Variants in ADARB2 observed in about 807,000 individuals in gnomAD.
The protein encoded by ADARB2 is inactive double-stranded RNA-specific editase B2.
ADARB2 carries 25 observed loss-of-function variants against 62.2 expected under a neutral mutation model. That is an observed-to-expected ratio of 0.40 (90% CI 0.29 to 0.56). The LOEUF (loss-of-function observed/expected upper bound fraction) is 0.56, where lower values mean the gene tolerates loss of function less well. Ranked by LOEUF, ADARB2 falls within the 20% of genes least tolerant of loss-of-function variation. The pLI, the probability that ADARB2 is intolerant of heterozygous loss-of-function variation, is 0.43. For missense variants in ADARB2, 1,071 were observed against 1,077.4 expected (o/e 0.99, Z 0.08); for synonymous variants, 572 against 500.8 (o/e 1.14, Z -1.90).
intron 1 of ADARB2, among the ~76,000 whole-genome samples, chr10:1,434,209 G>C (rs1050074036): frequency 6.6e-6 from 1 of 152,212 alleles, no homozygotes; most frequent in Admixed American, 6.5e-5. Flanking sequence ...GATAACGAGA[G>C]ATTTAAAATA....
intron 7 of ADARB2, among the ~76,000 whole-genome samples, chr10:1,213,886 C>T (rs1417743045): frequency 6.6e-6 from 1 of 151,986 alleles, no homozygotes; most frequent in Admixed American, 6.6e-5. Flanking sequence ...GGGTTTGCAC[C>T]TGTGCCCGGA....
chr10:1,615,638 C>G (rs953646977), intron 1 of ADARB2, among the ~76,000 whole-genome samples: 3 of 152,240 alleles, frequency 2.0e-5, no homozygotes, highest in African/African-American at 4.8e-5. Flanking sequence ...GTTTCTTCCA[C>G]CCCCAGGACT....
intron 1 of ADARB2, among the ~76,000 whole-genome samples, chr10:1,469,333 C>T (rs764838356): frequency 2.0e-5 from 3 of 152,232 alleles, no homozygotes; most frequent in Non-Finnish European, 4.4e-5. Context: ...GGAGTCACAT[C>T]TCTAAGTCCA....
At chr10:1,678,775 T>G (rs958543904) in intron 1 of ADARB2, among the ~76,000 whole-genome samples, 1 of 151,928 alleles carries the variant, frequency 6.6e-6, no homozygotes, top group Admixed American at 6.6e-5. Flanking sequence ...CCCTTCCACA[T>G]CTCGGCTGTT....
intron 1 of ADARB2, among the ~76,000 whole-genome samples, chr10:1,598,187 T>C (rs926332492): frequency 1.3e-5 from 2 of 150,634 alleles, no homozygotes; most frequent in African/African-American, 4.9e-5. Context: ...ACAATTCCGG[T>C]GGTGGGTGCA....
intron 1 of ADARB2, among the ~76,000 whole-genome samples, chr10:1,647,889 G>A (rs1055769466): frequency 3.9e-5 from 6 of 151,944 alleles, no homozygotes; most frequent in Non-Finnish European, 8.8e-5. Flanking sequence ...GTCTATATAT[G>A]TATGTGTGTA....
At position 1,618,554 on chromosome 10, in the gene ADARB2, A is replaced by ATT. The variant is rs35095103; in HGVS notation, c.100+118495_100+118496dup. ...CAGTGTCACTAGGTTTAAAAATCAG[A>ATT]TTTTTTTTTGAGAGAGGGTCTTGCA... On this transcript the variant is annotated intron_variant, in intron 1 of 9. Coordinates refer to ENST00000381312, the MANE Select transcript of ADARB2 (RefSeq NM_018702.4). Among the ~76,000 whole-genome samples, 89 of 146,960 alleles carry ATT rather than the reference A, an allele frequency of 6.1e-4. No homozygotes were observed. The East Asian group carries it at 7.1e-3, about 12-fold the overall frequency.
intron 6 of ADARB2, among the ~76,000 whole-genome samples, chr10:1,223,542 T>G (rs1377457744): frequency 3.3e-5 from 5 of 152,346 alleles, no homozygotes; most frequent in South Asian, 4.1e-4. Context: ...CCATTCAGTA[T>G]GATATTGGCT....
At chr10:1,446,342 T>C (rs1830969132) in intron 1 of ADARB2, among the ~76,000 whole-genome samples, 1 of 152,190 alleles carries the variant, frequency 6.6e-6, no homozygotes. Flanking sequence ...ATCGTCATAG[T>C]AAGAAAAATA....
chr10:1,524,357 A>G lies in ADARB2; in HGVS notation c.101-145197T>C, dbSNP rs553465342. On this transcript the variant is annotated intron_variant, in intron 1 of 9. Coordinates refer to ENST00000381312, the MANE Select transcript of ADARB2 (RefSeq NM_018702.4). ...GTGACTAACGTGTCCAATACTCAGT[A>G]GGAAAGATATAAAAGAAAATAATTA... 8.5e-5 allele frequency among the ~76,000 whole-genome samples: 13 copies of G among 152,358 alleles called. No individual in the cohort carries two copies. In the South Asian group the frequency reaches 2.7e-3, roughly 32 times the overall value.
At chr10:1,619,890 A>T (rs193096935) in intron 1 of ADARB2, among the ~76,000 whole-genome samples, 22 of 152,354 alleles carry the variant, frequency 1.4e-4, no homozygotes, top group African/African-American at 5.3e-4. Flanking sequence ...ATTGAACAAC[A>T]GAAAGAAATC....
chr10:1,244,427 C>T (rs892481308), intron 4 of ADARB2, among the ~76,000 whole-genome samples: 5 of 152,192 alleles, frequency 3.3e-5, no homozygotes, highest in South Asian at 2.1e-4. Flanking sequence ...TGTGAGGCCC[C>T]GGCCTGCTCC....
At chr10:1,275,379 C>T (rs1330963989) in intron 3 of ADARB2, among the ~76,000 whole-genome samples, 1 of 152,212 alleles carries the variant, frequency 6.6e-6, no homozygotes, top group Non-Finnish European at 1.5e-5. Flanking sequence ...GAGGCCATGG[C>T]ACCCAGGTGT....
At chr10:1,288,055 C>T (rs977611238) in intron 3 of ADARB2, among the ~76,000 whole-genome samples, 15 of 152,228 alleles carry the variant, frequency 9.9e-5, no homozygotes, top group African/African-American at 2.9e-4. Context: ...TGGGTCAGCT[C>T]GTGCACTGCT....
intron 5 of ADARB2, among the ~76,000 whole-genome samples, chr10:1,237,520 G>T (rs1460175537): frequency 1.1e-3 from 2 of 1,748 alleles, no homozygotes; most frequent in Non-Finnish European, 2.1e-3. Flanking sequence ...ACTCCCCTCT[G>T]CCTCCCGGTG....
At chr10:1,724,529 C>A (rs567022206) in intron 1 of ADARB2, among the ~76,000 whole-genome samples, 2 of 152,316 alleles carry the variant, frequency 1.3e-5, no homozygotes, top group East Asian at 3.9e-4. Flanking sequence ...CTTGTGTGCG[C>A]AGCAGCAGGA....
intron 3 of ADARB2, among the ~76,000 whole-genome samples, chr10:1,347,263 T>C (rs907560621): frequency 6.6e-6 from 1 of 152,190 alleles, no homozygotes; most frequent in Admixed American, 6.5e-5. Context: ...AAAGTTGCAG[T>C]GAGTCGTGTC....
At chr10:1,274,144 G>A (rs998757158) in intron 3 of ADARB2, among the ~76,000 whole-genome samples, 3 of 152,212 alleles carry the variant, frequency 2.0e-5, no homozygotes, top group Admixed American at 1.3e-4. Flanking sequence ...CTGCTCTCCC[G>A]CCGGTCCGCC....
At chr10:1,297,998 G>C (rs752577489) in intron 3 of ADARB2, among the ~76,000 whole-genome samples, 1 of 152,170 alleles carries the variant, frequency 6.6e-6, no homozygotes, top group Non-Finnish European at 1.5e-5. Flanking sequence ...CAGCCACCTG[G>C]GTGTGCTCAC....
Sources: gnomAD v4.1 joint callset for allele counts (sites outside exome capture counted in the v4.1 genomes callset) on GRCh38, gnomAD v4.1.1 for gene constraint, MANE v1.5 for transcripts, NCBI Gene and HGNC (gene_info 2026-07-23, HGNC 2026-07-21) for gene names.